The following MESP2 variants were observed in gnomAD, a reference collection of about 807,000 sequenced individuals.
MESP2 encodes mesoderm posterior bHLH transcription factor 2, also known as mesoderm posterior protein 2.
A neutral mutation model predicts 37.8 loss-of-function variants in MESP2; 34 were observed. The observed-to-expected ratio is 0.90, with a 90% confidence interval of 0.68 to 1.20. The LOEUF is 1.20. Among genes scored for constraint, MESP2 ranks in the 50% most tolerant of loss-of-function variants. MESP2 has a pLI of 0.00. For missense variants in MESP2, 646 were observed against 545.3 expected (o/e 1.18, Z -1.84); for synonymous variants, 303 against 251.6 (o/e 1.20, Z -1.93).
chr15:89,776,704 G>A lies in MESP2; in HGVS notation c.347G>A (p.Gly116Asp), dbSNP rs1235998441. 3.8e-6 allele frequency: 6 copies of A among 1,562,484 alleles called. No individual in the cohort carries two copies. Among genetic ancestry groups the A allele is most frequent in the Admixed American group, 3.7e-5 (2 of 53,736 alleles). The change falls in exon 1 of 2, where the codon GGC becomes GAC. Residue 116 changes from glycine to aspartate, a missense_variant. Coordinates refer to ENST00000341735, the MANE Select transcript of MESP2 (RefSeq NM_001039958.2). ...CTGCCTCCCTCCTTGGCGCCGGCCG[G>A]CCAGAGCCTGACCAAGATCGAGACG... ...RFLPPSLAPA[G>D]QSLTKIETLR... is the part of the protein sequence containing the mutation.
intron 1 of MESP2, 22 bp from the exon 2 acceptor site, chr15:89,778,043 G>GCTGCTCTCATCT: frequency 6.2e-7 from 1 of 1,612,228 alleles, no homozygotes; most frequent in Non-Finnish European, 8.5e-7. Flanking sequence ...CACTAACCAG[G>GCTGCTCTCATCT]CTGCTCTCAT....
rs1157221674 is a variant in MESP2 at position 89,776,581 on chromosome 15, G to T, written c.224G>T (p.Arg75Leu). ...GCCGCGACGACGCCCAGACGAGCGC[G>T]CACCGGACCAGCGGGCGGACAGCGG... ...EAAATTPRRA[R>L]TGPAGGQRQS... The change falls in exon 1 of 2, where the codon CGC (arginine) becomes CTC (leucine). Residue 75 changes from arginine to leucine, a missense_variant. Coordinates refer to ENST00000341735, the MANE Select transcript of MESP2 (RefSeq NM_001039958.2). 3 of 1,529,464 alleles carry T rather than the reference G, an allele frequency of 2.0e-6. No homozygotes were observed. Among genetic ancestry groups the T allele is most frequent in the African/African-American group, 2.8e-5 (2 of 71,140 alleles). The allele number at this position is 1,529,464 out of a possible 1,614,324, so 94.7% of individuals were successfully genotyped here.
chr15:89,776,767 C>T lies in MESP2; in HGVS notation c.410C>T (p.Ala137Val). 6.5e-7 allele frequency: 1 copy of T among 1,535,444 alleles called. No homozygotes were observed. Among genetic ancestry groups the T allele is most frequent in the Non-Finnish European group, 8.7e-7 (1 of 1,147,390 alleles). ...ATCCGCTACATCGGCCACCTATCGGCCGTGCTGGGTCTCAGCGAGGAGAGT... is the reference window on the plus strand; with the variant it reads ...ATCCGCTACATCGGCCACCTATCGGTCGTGCTGGGTCTCAGCGAGGAGAGT... ...LAIRYIGHLS[A>V]VLGLSEESLQ... The change falls in exon 1 of 2, where the codon GCC (alanine) becomes GTC (valine). Residue 137 changes from alanine to valine, a missense_variant. Transcript: ENST00000341735.
chr15:89,778,196 C>G lies in MESP2; in HGVS notation c.1056C>G (p.Asn352Lys), dbSNP rs201495246. The change falls in exon 2 of 2, where the codon AAC becomes AAG. Residue 352 changes from asparagine (N) to lysine (K), a missense_variant. Transcript: ENST00000341735. The part of the protein sequence containing the change: ...CWSHSAEVVP[N>K]SEDQGPGAAF... ...GCCACAGTGCAGAGGTGGTGCCCAA[C>G]TCAGAGGACCAGGGACCGGGCGCCG... The G allele has an allele frequency of 6.2e-7, 1 of 1,613,680 alleles. No homozygotes were observed. The highest frequency in any genetic ancestry group is 8.5e-7 in the Non-Finnish European group (1 of 1,180,000).
Position 89,777,242 on chromosome 15 carries a change from G to C in MESP2, c.885G>C (p.Thr295=), listed in dbSNP as rs761196555. Residue 295 remains threonine (T), a synonymous_variant, in exon 1 of 2, where the codon ACG becomes ACC. Transcript: ENST00000341735. ...PEPRNPPVPW[T]AAPATLELAA... The stretch of plus-strand genomic sequence containing the variant: ...CCCGGAACCCACCAGTGCCCTGGAC[G>C]GCGGCCCCAGCAACTTTGGAGCTGG... 11 of 1,611,398 alleles carry C rather than the reference G, an allele frequency of 6.8e-6. No homozygotes were observed. In the African/African-American group the frequency reaches 1.3e-4, roughly 20 times the overall value.
intron 1 of MESP2, among the ~76,000 whole-genome samples, chr15:89,777,611 A>T (rs755612776): frequency 2.6e-5 from 4 of 152,194 alleles, no homozygotes; most frequent in Non-Finnish European, 5.9e-5. Flanking sequence ...TTTCCTGAGT[A>T]GATGGGCCTA....
chr15:89,776,881 C>G lies in MESP2; in HGVS notation c.524C>G (p.Thr175Arg), dbSNP rs1199675164. The G allele has an allele frequency of 1.2e-5, 18 of 1,456,398 alleles. No individual in the cohort carries two copies. Among genetic ancestry groups the G allele is most frequent in the Non-Finnish European group, 1.6e-5 (18 of 1,110,150 alleles). 90.2% of individuals were successfully genotyped at this position (1,456,398 alleles called of 1,614,324 possible). Reference sequence around the variant, plus strand: ...GACCGTGGCCCCGCAGAGGCGCAGACGCAGGCGGAGGGGCAGGGGCAAGGG... The same window carrying G: ...GACCGTGGCCCCGCAGAGGCGCAGAGGCAGGCGGAGGGGCAGGGGCAAGGG... ...CPDRGPAEAQ[T>R]QAEGQGQGQG... is the part of the protein sequence containing the mutation. The change falls in exon 1 of 2, where the codon ACG becomes AGG. Residue 175 changes from threonine to arginine, a missense_variant. By Grantham distance (71) the Thr-to-Arg change is moderately conservative. Transcript: ENST00000341735.
Position 89,776,647 on chromosome 15 carries a change from TG to T in MESP2, c.292del (p.Ala98ProfsTer22). 6.5e-7 allele frequency: 1 copy of T among 1,527,886 alleles called. No individual in the cohort carries two copies. The highest frequency in any genetic ancestry group is 8.7e-7 in the Non-Finnish European group (1 of 1,144,266). 94.6% of individuals were successfully genotyped at this position (1,527,886 alleles called of 1,614,324 possible). ...SEREKLRMRTLARALHELRRF... is the reference protein window; with the variant it reads ...SEREKLRMRTXARALHELRRF... ...CGGGAGAAACTGCGCATGCGCACGCTGGCCCGCGCCCTGCACGAGTTGCGCC... is the reference window on the plus strand; with the variant it reads ...CGGGAGAAACTGCGCATGCGCACGCTGCCCGCGCCCTGCACGAGTTGCGCC... On this transcript the variant is annotated frameshift_variant, in exon 1 of 2. Transcript: ENST00000341735. LOFTEE classifies it high-confidence loss of function.
Position 89,776,733 on chromosome 15 carries a change from C to A in MESP2, c.376C>A (p.Arg126Ser). Residue 126 changes from arginine (R) to serine (S), a missense_variant, in exon 1 of 2, where the codon CGC (arginine) becomes AGC (serine). Transcript: ENST00000341735. ...GQSLTKIETL[R>S]LAIRYIGHLS... The stretch of plus-strand genomic sequence containing the variant: ...GAGCCTGACCAAGATCGAGACGCTG[C>A]GCCTGGCCATCCGCTACATCGGCCA... The A allele has an allele frequency of 6.4e-7, 1 of 1,554,434 alleles. No individual in the cohort carries two copies.
In MESP2 at chr15:89,778,676, TTG is replaced by T; in HGVS notation, c.*343_*344del. 1 of 328,018 alleles carries T rather than the reference TTG, an allele frequency of 3.0e-6. No homozygotes were observed. The allele number at this position is 328,018 out of a possible 1,614,324, so 20.3% of individuals were successfully genotyped here. On this transcript the variant is annotated 3_prime_UTR_variant, in exon 2 of 2. Coordinates refer to ENST00000341735, the MANE Select transcript of MESP2 (RefSeq NM_001039958.2). ...GGAGGCAGGCCCCAGGCTCTGCTTC[TTG>T]GTGACAGTTGGCCAGAGCCCTGTAT...
In MESP2 at chr15:89,776,625, G is replaced by C; in HGVS notation, c.268G>C (p.Glu90Gln). Reference protein sequence around the residue: ...GGQRQSASEREKLRMRTLARA... With the variant: ...GGQRQSASERQKLRMRTLARA... ...ACAGCGGCAGAGCGCCAGCGAGCGG[G>C]AGAAACTGCGCATGCGCACGCTGGC... Residue 90 changes from glutamate to glutamine, a missense_variant, in exon 1 of 2, where the codon GAG becomes CAG. Coordinates refer to ENST00000341735, the MANE Select transcript of MESP2 (RefSeq NM_001039958.2). 6.6e-7 allele frequency: 1 copy of C among 1,524,206 alleles called. No individual in the cohort carries two copies. The highest frequency in any genetic ancestry group is 8.7e-7 in the Non-Finnish European group (1 of 1,142,972). The allele number at this position is 1,524,206 out of a possible 1,614,324, so 94.4% of individuals were successfully genotyped here.
At chr15:89,778,044 C>T (rs556175245) in intron 1 of MESP2, 21 bp from the exon 2 acceptor site, 4 of 1,612,380 alleles carry the variant, frequency 2.5e-6, no homozygotes, top group Non-Finnish European at 3.4e-6. Flanking sequence ...ACTAACCAGG[C>T]TGCTCTCATC....
chr15:89,777,387 G>C, intron 1 of MESP2, 106 bp downstream of exon 1: 1 of 1,279,368 alleles, frequency 7.8e-7, no homozygotes, highest in Non-Finnish European at 1.0e-6. Context: ...ACGGAGGGGA[G>C]AATGGAAGGA....
chr15:89,777,332 T>A (rs779954141), intron 1 of MESP2, 51 bp downstream of exon 1: 1 of 1,551,496 alleles, frequency 6.4e-7, no homozygotes, highest in East Asian at 2.3e-5. Context: ...CTGCAGAGAA[T>A]CTCGTACTTT....
At chr15:89,777,379 G>T in intron 1 of MESP2, 98 bp downstream of exon 1, 1 of 1,349,018 alleles carries the variant, frequency 7.4e-7, no homozygotes, top group Non-Finnish European at 9.9e-7. Flanking sequence ...ATTATCTAAC[G>T]GAGGGGAGAA....
chr15:89,778,085 G>A lies in MESP2; in HGVS notation c.945G>A (p.Glu315=), dbSNP rs1255430266. ...TGCAGGGTCTCTCTGTGTCTCCAGA[G>A]CCCTGTCTGTCGCTGGGAGCTCCAT... ...AVYQGLSVSP[E]PCLSLGAPSL... The change falls in exon 2 of 2, where the codon GAG becomes GAA. Residue 315 remains glutamate, a synonymous_variant. Coordinates refer to ENST00000341735, the MANE Select transcript of MESP2 (RefSeq NM_001039958.2). 4.3e-6 allele frequency: 7 copies of A among 1,613,480 alleles called. No individual in the cohort carries two copies. The highest frequency in any genetic ancestry group is 5.9e-6 in the Non-Finnish European group (7 of 1,180,034).
At position 89,777,264 on chromosome 15, in the gene MESP2, C is replaced by G. The variant is rs200440405; in HGVS notation, c.907C>G (p.Leu303Val). The change falls in exon 1 of 2, where the codon CTG (leucine) becomes GTG (valine). Residue 303 changes from leucine to valine, a missense_variant. Coordinates refer to ENST00000341735, the MANE Select transcript of MESP2 (RefSeq NM_001039958.2). ...GACGGCGGCCCCAGCAACTTTGGAG[C>G]TGGCCGCAGTGTACCAGGTATGTGT... ...PWTAAPATLE[L>V]AAVYQGLSVS... 8.1e-6 allele frequency: 13 copies of G among 1,610,922 alleles called. No homozygotes were observed. In the Middle Eastern group the frequency reaches 6.6e-4, roughly 82 times the overall value.
rs771586079 is a variant in MESP2 at position 89,778,115 on chromosome 15, C to T, written c.975C>T (p.Leu325=). ...EPCLSLGAPS[L]LPHPSCQRLQ... is the part of the protein sequence containing the mutation. Reference sequence around the variant, plus strand: ...GTCTGTCGCTGGGAGCTCCATCTCTCCTGCCCCACCCATCATGCCAGAGAC... The same window carrying T: ...GTCTGTCGCTGGGAGCTCCATCTCTTCTGCCCCACCCATCATGCCAGAGAC... The change falls in exon 2 of 2, where the codon CTC becomes CTT. Residue 325 remains leucine, a synonymous_variant. Transcript: ENST00000341735. 6.2e-7 allele frequency: 1 copy of T among 1,613,850 alleles called. No individual in the cohort carries two copies. The highest frequency in any genetic ancestry group is 8.5e-7 in the Non-Finnish European group (1 of 1,180,024).
At position 89,776,546 on chromosome 15, in the gene MESP2, C is replaced by T. The variant is rs534821207; in HGVS notation, c.189C>T (p.Ala63=). ...AGCCTCCGAGCTGCAGCTCCCGAGC[C>T]GCAGAGGCAGCCGCGACGACGCCCA... ...QPQPPSCSSR[A]AEAAATTPRR... The change falls in exon 1 of 2, where the codon GCC becomes GCT. Residue 63 remains alanine, a synonymous_variant. Transcript: ENST00000341735. The T allele has an allele frequency of 1.3e-6, 2 of 1,532,238 alleles. No homozygotes were observed. Among genetic ancestry groups the T allele is most frequent in the Non-Finnish European group, 1.7e-6 (2 of 1,145,064 alleles). The allele number at this position is 1,532,238 out of a possible 1,614,324, so 94.9% of individuals were successfully genotyped here.
Sources: allele counts gnomAD v4.1 joint callset (sites outside exome capture counted in the v4.1 genomes callset), GRCh38; gene constraint gnomAD v4.1.1; transcripts MANE v1.5; gene names NCBI Gene and HGNC (gene_info 2026-07-23, HGNC 2026-07-21).